LRRC37A: variants seen among roughly 807,000 people sequenced by gnomAD.
LRRC37A encodes the protein leucine-rich repeat-containing protein 37A.
Under a neutral mutation model 35.4 loss-of-function variants are expected in LRRC37A, and 3 were observed. The observed-to-expected ratio is 0.08, with a 90% CI of 0.04 to 0.22. The LOEUF (loss-of-function observed/expected upper bound fraction) is 0.22, where lower values mean the gene tolerates loss of function less well. Among genes scored for constraint, LRRC37A ranks in the 10% least tolerant of loss-of-function variants. The probability of loss-of-function intolerance (pLI) is 1.00; values close to 1 mark genes in which losing one functional copy is unlikely to be tolerated. For synonymous variants in LRRC37A, 23 were observed against 215.0 expected, an observed-to-expected ratio of 0.11 and a Z score of 7.81; for missense variants, 67 against 565.3, an observed-to-expected ratio of 0.12 and a Z score of 8.94.
At chr17:46,252,527 G>A in the LRRC37A span, among the ~76,000 whole-genome samples, 3 of 148,596 alleles carry the variant, frequency 2.0e-5, no homozygotes, top group Admixed American at 6.8e-5. Context: ...TGCGCCTTCC[G>A]CAGTCTTTGT....
the LRRC37A span, among the ~76,000 whole-genome samples, chr17:46,257,437 A>G: frequency 1.4e-5 from 2 of 140,674 alleles, no homozygotes; most frequent in Admixed American, 7.4e-5. Context: ...CAGGCAACAG[A>G]GTTAGACTCT....
At chr17:46,251,317 G>A in the LRRC37A span, among the ~76,000 whole-genome samples, 1 of 150,792 alleles carries the variant, frequency 6.6e-6, no homozygotes, top group South Asian at 2.1e-4. Context: ...GGAGTGAAAT[G>A]GCACGATCTC....
At chr17:46,279,183 TC>T in the LRRC37A span, among the ~76,000 whole-genome samples, 1 of 150,546 alleles carries the variant, frequency 6.6e-6, no homozygotes. Context: ...TTCTTTTTTT[TC>T]TTTTTTTTTT....
chr17:46,268,640 TA>T, the LRRC37A span: 1 of 1,551,876 alleles, frequency 6.4e-7, no homozygotes, highest in South Asian at 1.2e-5. Context: ...TGAAAAGGTT[TA>T]ACCCAAAAAG....
chr17:46,259,830 C>G, the LRRC37A span: 1 of 1,559,650 alleles, frequency 6.4e-7, no homozygotes, highest in South Asian at 1.2e-5. Flanking sequence ...GGCACAGCAA[C>G]TGCAGGGTAG....
the LRRC37A span, among the ~76,000 whole-genome samples, chr17:46,286,400 G>A: frequency 2.0e-4 from 31 of 152,314 alleles, no homozygotes; most frequent in Non-Finnish European, 3.4e-4. Context: ...TACCATGTGG[G>A]AGTTCAAAAT....
the LRRC37A span, among the ~76,000 whole-genome samples, chr17:46,285,499 A>C: frequency 0.14 from 20,382 of 150,850 alleles, 820 homozygotes; most frequent in Middle Eastern, 0.22. Flanking sequence ...CTCAGCCCCC[A>C]CAAAGTGCTG....
the LRRC37A span, among the ~76,000 whole-genome samples, chr17:46,269,026 A>G: frequency 1.9e-3 from 292 of 152,344 alleles, 2 homozygotes; most frequent in African/African-American, 3.6e-3. Flanking sequence ...GAAATAGTCC[A>G]CAAAACATTT....
At chr17:46,316,679 C>A (rs1233565753) in intron 5 of LRRC37A, among the ~76,000 whole-genome samples, 1 of 60,040 alleles carries the variant, frequency 1.7e-5, no homozygotes, top group East Asian at 3.2e-4. Flanking sequence ...TTGGCAGGGT[C>A]ATAGGACAAT....
At chr17:46,256,854 GA>G in the LRRC37A span, among the ~76,000 whole-genome samples, 1 of 152,136 alleles carries the variant, frequency 6.6e-6, no homozygotes, top group Admixed American at 6.6e-5. Flanking sequence ...ATGAGGCACA[GA>G]ACCCTTCGAA....
At chr17:46,270,223 T>A in the LRRC37A span, among the ~76,000 whole-genome samples, 1 of 152,222 alleles carries the variant, frequency 6.6e-6, no homozygotes, top group Admixed American at 6.5e-5. Flanking sequence ...GTCCTGACGC[T>A]GTCCATGGCA....
the LRRC37A span, among the ~76,000 whole-genome samples, chr17:46,251,881 A>T: frequency 2.0e-5 from 3 of 152,002 alleles, no homozygotes; most frequent in South Asian, 6.2e-4. Flanking sequence ...TGATTCTGGA[A>T]TCCTAGCATT....
At chr17:46,281,203 T>A in the LRRC37A span, among the ~76,000 whole-genome samples, 3 of 152,172 alleles carry the variant, frequency 2.0e-5, no homozygotes, top group Admixed American at 1.3e-4. Flanking sequence ...TGGCTTATAA[T>A]GTTTATCAAC....
the LRRC37A span, among the ~76,000 whole-genome samples, chr17:46,255,632 C>T: frequency 2.0e-5 from 3 of 151,598 alleles, no homozygotes; most frequent in Non-Finnish European, 2.9e-5. Context: ...TCCCAAAGTG[C>T]TGGGATTACC....
the LRRC37A span, among the ~76,000 whole-genome samples, chr17:46,278,299 C>T: frequency 6.6e-6 from 1 of 152,192 alleles, no homozygotes; most frequent in African/African-American, 2.4e-5. Context: ...CATTTAAGCC[C>T]TGTGATGGCA....
chr17:46,263,874 A>AT, the LRRC37A span, among the ~76,000 whole-genome samples: 1 of 105,778 alleles, frequency 9.5e-6, no homozygotes, highest in Non-Finnish European at 2.4e-5. Context: ...AAAAAAAAAA[A>AT]GAGAGAGAGA....
At position 46,315,927 on chromosome 17, in the gene LRRC37A, T is replaced by A. The variant is rs532797396; in HGVS notation, c.2907-6395T>A. 4.2e-3 allele frequency among the ~76,000 whole-genome samples: 302 copies of A among 71,780 alleles called. 1 individual carries two copies. Among genetic ancestry groups the A allele is most frequent in the African/African-American group, 0.011 (287 of 26,878 alleles). The allele number at this position is 71,780 out of a possible 152,430, so 47.1% of individuals were successfully genotyped here. A position where few individuals can be genotyped will look rare whatever the true frequency, so the allele number is the denominator to read the frequency against. On this transcript the variant is annotated intron_variant, in intron 5 of 13. Coordinates refer to ENST00000320254, the Ensembl canonical transcript of LRRC37A. The stretch of plus-strand genomic sequence containing the variant: ...TTATGTAAGTATCTTTTTCTTTTTT[T>A]TTTTTCTTTATTTTGGGACAGAGTC...
the LRRC37A span, among the ~76,000 whole-genome samples, chr17:46,254,573 A>G: frequency 6.7e-6 from 1 of 148,398 alleles, no homozygotes. Flanking sequence ...ACGCAGTCTC[A>G]TTTTGTTGCC....
chr17:46,268,287 A>G, the LRRC37A span, among the ~76,000 whole-genome samples: 21,717 of 151,854 alleles, frequency 0.14, 1,895 homozygotes, highest in Non-Finnish European at 0.22. Flanking sequence ...CCAAAGTGCT[A>G]GGATTAAAGG....
Sources: allele counts gnomAD v4.1 joint callset (sites outside exome capture counted in the v4.1 genomes callset), GRCh38; gene constraint gnomAD v4.1.1; transcripts MANE v1.5; gene names NCBI Gene and HGNC (gene_info 2026-07-23, HGNC 2026-07-21).